The following ZHX3 variants were observed in gnomAD, a reference collection of about 807,000 sequenced individuals.
ZHX3 encodes the protein zinc fingers and homeoboxes 3.
A neutral mutation model predicts 64.5 loss-of-function variants in ZHX3; 20 were observed. That is an observed-to-expected ratio of 0.31 (90% confidence interval 0.22 to 0.45). The LOEUF is 0.45. ZHX3 is among the 20% of genes least tolerant of loss of function. The pLI is 1.00. For missense variants in ZHX3, 1,041 were observed against 1,195.8 expected (o/e 0.87, Z 1.91); for synonymous variants, 423 against 461.6 (o/e 0.92, Z 1.07).
In ZHX3 at chr20:41,204,462, T is replaced by A; in HGVS notation, c.455A>T (p.Glu152Val). The A allele has an allele frequency of 6.2e-7, 1 of 1,614,188 alleles. No individual in the cohort carries two copies. Among genetic ancestry groups the A allele is most frequent in the East Asian group, 2.2e-5 (1 of 44,886 alleles). Residue 152 changes from glutamate (E) to valine (V), a missense_variant, in exon 3 of 4, where the codon GAG becomes GTG. Glu to Val is a moderately radical substitution (Grantham distance 121). Around this residue, in one of 4 missense-constraint regions of ZHX3, gnomAD observed 358 missense variants for 369.1 expected, o/e 0.97. Coordinates refer to ENST00000683867, the MANE Select transcript of ZHX3 (RefSeq NM_001384317.1). This position sits in a 1 kb window ranked among gnomAD's most constrained non-coding sequence, Gnocchi z 6.6. ...GCTGGTGCTCTCAGGGATGCTCTGC[T>A]CCACAACCACATGATTGTCTGGCTT... ...VAKPDNHVVV[E>V]QSIPESTSTP... is the part of the protein sequence containing the mutation.
At chr20:41,217,725 T>C (rs1176587202) in intron 2 of ZHX3, among the ~76,000 whole-genome samples, 1 of 152,190 alleles carries the variant, frequency 6.6e-6, no homozygotes, top group Admixed American at 6.5e-5. Flanking sequence ...TCCATCCTCA[T>C]AGTCTCCTGA....
At chr20:41,292,191 C>T (rs1278991831) in intron 1 of ZHX3, among the ~76,000 whole-genome samples, 3 of 151,862 alleles carry the variant, frequency 2.0e-5, no homozygotes, top group African/African-American at 4.8e-5. Flanking sequence ...CTTTATCCTC[C>T]GATTGGGACT....
chr20:41,290,869 C>T (rs562937648), intron 1 of ZHX3, among the ~76,000 whole-genome samples: 1 of 152,306 alleles, frequency 6.6e-6, no homozygotes, highest in South Asian at 2.1e-4. Flanking sequence ...CATCTCCTCT[C>T]CCACTTTCTT....
chr20:41,292,369 A>G (rs1323067707), intron 1 of ZHX3, among the ~76,000 whole-genome samples: 1 of 152,236 alleles, frequency 6.6e-6, no homozygotes, highest in Non-Finnish European at 1.5e-5. Context: ...AAACAAGTGC[A>G]AATGCTTTGT....
chr20:41,269,862 T>G (rs2043043014), intron 1 of ZHX3, among the ~76,000 whole-genome samples: 1 of 150,954 alleles, frequency 6.6e-6, no homozygotes, highest in Non-Finnish European at 1.5e-5. Flanking sequence ...CATCCATGAA[T>G]GTACACATTT....
At chr20:41,294,208 AG>A (rs980633107) in intron 1 of ZHX3, among the ~76,000 whole-genome samples, 1 of 152,224 alleles carries the variant, frequency 6.6e-6, no homozygotes, top group Admixed American at 6.5e-5. Context: ...CATTAATCCA[AG>A]ATTTGTTTAG....
chr20:41,188,459 G>A (rs914169144), intron 3 of ZHX3: 4 of 120,652 alleles, frequency 3.3e-5, no homozygotes, highest in Non-Finnish European at 6.4e-5. Flanking sequence ...CCAGGCTCTG[G>A]AATGCAGTGG....
chr20:41,266,098 ATGT>A (rs2042830879), intron 2 of ZHX3, among the ~76,000 whole-genome samples: 1 of 152,226 alleles, frequency 6.6e-6, no homozygotes, highest in Non-Finnish European at 1.5e-5. Context: ...ATGAGGTCAT[ATGT>A]AAGATAAATT....
At chr20:41,312,362 G>A (rs544586182) in intron 1 of ZHX3, among the ~76,000 whole-genome samples, 9 of 152,266 alleles carry the variant, frequency 5.9e-5, no homozygotes, top group South Asian at 2.1e-4. Context: ...CAACCCACTC[G>A]TGTTCCCTTC....
intron 2 of ZHX3, among the ~76,000 whole-genome samples, chr20:41,250,421 T>C (rs907853596): frequency 6.6e-6 from 1 of 152,192 alleles, no homozygotes; most frequent in Admixed American, 6.5e-5. Context: ...TGGTAGCTCA[T>C]GTCTGTAATC....
chr20:41,241,297 T>A (rs1438752923), intron 2 of ZHX3, among the ~76,000 whole-genome samples: 1 of 152,232 alleles, frequency 6.6e-6, no homozygotes, highest in Non-Finnish European at 1.5e-5. Flanking sequence ...CCGTTTGCCA[T>A]TTGTATGTCT....
chr20:41,301,288 T>G (rs890597957), intron 1 of ZHX3, among the ~76,000 whole-genome samples: 9 of 152,166 alleles, frequency 5.9e-5, no homozygotes, highest in Non-Finnish European at 1.2e-4. Flanking sequence ...CCATTCTCCA[T>G]ACAACAGTCT....
chr20:41,188,900 T>A (rs1488063324), intron 3 of ZHX3, among the ~76,000 whole-genome samples: 2 of 152,202 alleles, frequency 1.3e-5, no homozygotes, highest in African/African-American at 4.8e-5. Flanking sequence ...TTTTGAGGTC[T>A]TAGCCATAAA....
intron 2 of ZHX3, among the ~76,000 whole-genome samples, chr20:41,241,830 C>T (rs770565527): frequency 1.3e-5 from 2 of 152,104 alleles, no homozygotes; most frequent in South Asian, 4.1e-4. Context: ...CTGTAGATTG[C>T]TTTGGGTAGT....
rs1215826195 is a variant in ZHX3 at position 41,195,419 on chromosome 20, A to AT, written c.2860+6637dup. On this transcript the variant is annotated intron_variant, in intron 3 of 3. Transcript: ENST00000683867. The surrounding 1 kb of genome is among the most constrained non-coding windows in gnomAD (Gnocchi z 4.2). The stretch of plus-strand genomic sequence containing the variant: ...ATGCAAGCCACCATGCTCGACTGAG[A>AT]TTTTTTATTTTTTGAGAAGGAGTTT... 6.6e-6 allele frequency among the ~76,000 whole-genome samples: 1 copy of AT among 151,784 alleles called. No homozygotes were observed. The highest frequency in any genetic ancestry group is 2.4e-5 in the African/African-American group (1 of 41,324).
chr20:41,293,337 A>G (rs1378184200), intron 1 of ZHX3, among the ~76,000 whole-genome samples: 1 of 152,174 alleles, frequency 6.6e-6, no homozygotes, highest in East Asian at 1.9e-4. Context: ...TTAGAGGATT[A>G]TTGTCAGTTT....
intron 2 of ZHX3, among the ~76,000 whole-genome samples, chr20:41,209,339 C>G (rs182453012): frequency 6.6e-6 from 1 of 152,150 alleles, no homozygotes; most frequent in Admixed American, 6.5e-5. Flanking sequence ...GAAAAAACTA[C>G]TTTAAAGGTC....
chr20:41,289,211 A>C (rs560245780), intron 1 of ZHX3, among the ~76,000 whole-genome samples: 2 of 151,606 alleles, frequency 1.3e-5, no homozygotes, highest in African/African-American at 4.8e-5. Flanking sequence ...TTTGTTGCCC[A>C]GGCTGGTCTC....
Position 41,185,462 on chromosome 20 carries a change from G to T in ZHX3, c.2861-261C>A. The T allele has an allele frequency of 1.7e-6, 1 of 577,820 alleles. No individual in the cohort carries two copies. 35.8% of individuals were successfully genotyped at this position (577,820 alleles called of 1,614,324 possible). On this transcript the variant is annotated intron_variant, in intron 3 of 3. Coordinates refer to ENST00000683867, the MANE Select transcript of ZHX3 (RefSeq NM_001384317.1). The surrounding 1 kb of genome is among the most constrained non-coding windows in gnomAD (Gnocchi z 5.0). ...CTAAACCCTAGGCCTAGCAGCAGGA[G>T]CAGTGGTTTGGCCTCTCCAGGCCCA... is the stretch of plus-strand genomic sequence containing the variant.
Sources: gnomAD v4.1 joint callset for allele counts (sites outside exome capture counted in the v4.1 genomes callset) on GRCh38, gnomAD v4.1.1 for gene constraint, gnomAD v4.1.1 regional missense constraint, Gnocchi (gnomAD v3.1) non-coding constraint, MANE v1.5 for transcripts, NCBI Gene and HGNC (gene_info 2026-07-23, HGNC 2026-07-21) for gene names.